Variants in TMEM132D observed in about 807,000 individuals in gnomAD.
The protein encoded by TMEM132D is mature OL transmembrane protein.
TMEM132D carries 21 observed loss-of-function variants against 62.3 expected under a neutral mutation model. The ratio of observed to expected loss-of-function variants is 0.34; its 90% CI spans 0.24 to 0.49. The LOEUF (loss-of-function observed/expected upper bound fraction) is 0.49, where lower values mean the gene tolerates loss of function less well. Ranked by LOEUF, TMEM132D falls within the 20% of genes least tolerant of loss-of-function variation. The probability of loss-of-function intolerance (pLI) is 0.99; values close to 1 mark genes in which losing one functional copy is unlikely to be tolerated. For synonymous variants in TMEM132D, 621 were observed against 575.6 expected, an observed-to-expected ratio of 1.08 and a Z score of -1.13; for missense variants, 1,346 against 1,402.8, an observed-to-expected ratio of 0.96 and a Z score of 0.65.
intron 1 of TMEM132D, among the ~76,000 whole-genome samples, chr12:129,841,954 G>A (rs1281011894): frequency 2.8e-5 from 4 of 145,000 alleles, no homozygotes; most frequent in Non-Finnish European, 6.0e-5. Flanking sequence ...TTTTTGAGAC[G>A]GAGTCTCGGT....
At chr12:129,420,323 T>TTTTTTTTTTTTTTTTTTTTA (rs1872274161) in intron 3 of TMEM132D, among the ~76,000 whole-genome samples, 2 of 94,080 alleles carry the variant, frequency 2.1e-5, no homozygotes, top group Non-Finnish European at 5.2e-5. Flanking sequence ...TTTTTTTTTT[T>TTTTTTTTTTTTTTTTTTTTA]TTTTTTTGCA....
chr12:129,817,184 T>G (rs1872370380), intron 1 of TMEM132D, among the ~76,000 whole-genome samples: 1 of 152,238 alleles, frequency 6.6e-6, no homozygotes, highest in Non-Finnish European at 1.5e-5. Context: ...CAATCCCCAC[T>G]GCACCTTAAT....
At chr12:129,463,203 T>C (rs1488142079) in intron 3 of TMEM132D, among the ~76,000 whole-genome samples, 1 of 152,204 alleles carries the variant, frequency 6.6e-6, no homozygotes, top group Non-Finnish European at 1.5e-5. Context: ...ACTTAGAAGA[T>C]GCAGGAACTG....
rs201253057 is a variant in TMEM132D at position 129,593,844 on chromosome 12, TA to T, written c.969-62640del. On this transcript the variant is annotated intron_variant, in intron 2 of 8. Coordinates refer to ENST00000422113, the MANE Select transcript of TMEM132D (RefSeq NM_133448.3). ...TACTCCTCTTGACATGTATTTTTTT[TA>T]AAATGTCAAATTCCTTAATACTTGC... 3.5e-4 allele frequency among the ~76,000 whole-genome samples: 54 copies of T among 152,198 alleles called. 1 individual carries two copies. The highest frequency in any genetic ancestry group is 5.8e-4 in the East Asian group (3 of 5,186).
chr12:129,863,908 G>A (rs1047688832), intron 1 of TMEM132D, among the ~76,000 whole-genome samples: 2 of 152,156 alleles, frequency 1.3e-5, no homozygotes, highest in African/African-American at 4.8e-5. Context: ...TAACAGCAAT[G>A]ATAAGTTTAG....
intron 2 of TMEM132D, among the ~76,000 whole-genome samples, chr12:129,659,429 A>T (rs1880179069): frequency 6.6e-6 from 1 of 152,214 alleles, no homozygotes. Flanking sequence ...AACAAAAAAC[A>T]GTCACTTTCT....
intron 8 of TMEM132D, among the ~76,000 whole-genome samples, chr12:129,077,705 GCA>G (rs1355377780): frequency 6.6e-5 from 10 of 151,212 alleles, no homozygotes; most frequent in Non-Finnish European, 1.5e-4. Flanking sequence ...ACACACATAT[GCA>G]CACATACAAA....
chr12:129,490,964 T>C (rs1225706821), intron 3 of TMEM132D, among the ~76,000 whole-genome samples: 1 of 152,182 alleles, frequency 6.6e-6, no homozygotes, highest in Non-Finnish European at 1.5e-5. Flanking sequence ...CTGTGACCCC[T>C]GCTGGTTCCC....
chr12:129,712,848 G>A (rs186474002), intron 1 of TMEM132D, among the ~76,000 whole-genome samples: 49 of 152,232 alleles, frequency 3.2e-4, no homozygotes, highest in Admixed American at 1.7e-3. Flanking sequence ...GCTGCAGCCA[G>A]AAGGAACGTC....
At chr12:129,540,402 T>A (rs1442701412) in intron 2 of TMEM132D, among the ~76,000 whole-genome samples, 1 of 152,052 alleles carries the variant, frequency 6.6e-6, no homozygotes, top group Non-Finnish European at 1.5e-5. Context: ...TCCGTGGCTA[T>A]AAAGGACTGA....
At chr12:129,709,338 A>G (rs940015203) in intron 1 of TMEM132D, among the ~76,000 whole-genome samples, 1 of 152,246 alleles carries the variant, frequency 6.6e-6, no homozygotes, top group Non-Finnish European at 1.5e-5. Context: ...AGTGCCAGCC[A>G]TAAAGCTGAA....
chr12:129,672,311 A>G (rs2137200608), intron 2 of TMEM132D, among the ~76,000 whole-genome samples: 1 of 151,986 alleles, frequency 6.6e-6, no homozygotes, highest in South Asian at 2.1e-4. Context: ...AACCCTGCGC[A>G]CTCTCATTTC....
rs557769998 is a variant in TMEM132D, at chr12:129,808,286, A to G, written c.79+94975T>C. On this transcript the variant is annotated intron_variant, in intron 1 of 8. Coordinates refer to ENST00000422113, the MANE Select transcript of TMEM132D (RefSeq NM_133448.3). ...CAGAAGTCAATATTATTAGATCGAGAATCTAGATGCAGAATAAAATTGGGG... is the reference window on the plus strand; with the variant it reads ...CAGAAGTCAATATTATTAGATCGAGGATCTAGATGCAGAATAAAATTGGGG... Among the ~76,000 whole-genome samples the G allele has an allele frequency of 3.3e-4, 50 of 152,314 alleles. 1 individual carries two copies. The South Asian group carries it at 0.01, about 31-fold the overall frequency.
intron 2 of TMEM132D, among the ~76,000 whole-genome samples, chr12:129,553,589 G>A (rs1876964199): frequency 6.6e-6 from 1 of 152,170 alleles, no homozygotes. Flanking sequence ...CCATTTCCAT[G>A]GTGTAAATGT....
chr12:129,782,008 GA>G (rs779344664), intron 1 of TMEM132D, among the ~76,000 whole-genome samples: 5 of 152,208 alleles, frequency 3.3e-5, no homozygotes, highest in African/African-American at 4.8e-5. Context: ...AAAGAGGATG[GA>G]GGAGCATTCA....
chr12:129,311,098 T>C (rs1430645490), intron 4 of TMEM132D, among the ~76,000 whole-genome samples: 3 of 126,444 alleles, frequency 2.4e-5, no homozygotes, highest in African/African-American at 3.3e-5. Context: ...CTCGGGAGGC[T>C]GAGGCAGGAG....
chr12:129,851,601 T>C lies in TMEM132D; in HGVS notation c.79+51660A>G, dbSNP rs183929615. 3.4e-4 allele frequency among the ~76,000 whole-genome samples: 52 copies of C among 152,348 alleles called. No homozygotes were observed. The Middle Eastern group carries it at 0.01, about 30-fold the overall frequency. On this transcript the variant is annotated intron_variant, in intron 1 of 8. Coordinates refer to ENST00000422113, the MANE Select transcript of TMEM132D (RefSeq NM_133448.3). ...AAAGTGTTAGCAGTAGTAAAATGAA[T>C]GACAGCACATTAACACTGTTTTATT...
At chr12:129,513,994 C>A (rs941494619) in intron 3 of TMEM132D, among the ~76,000 whole-genome samples, 1 of 150,778 alleles carries the variant, frequency 6.6e-6, no homozygotes, top group Admixed American at 6.6e-5. Flanking sequence ...CCCGCCACCA[C>A]GCCTGGCTAA....
rs78866212 is a variant in TMEM132D at position 129,358,540 on chromosome 12, C to T, written c.1116-20723G>A. ...ATCAGGGCTTCTTTATTCCAGCTCC[C>T]AGAGGACACTGCTGAAGACTGTCAC... On this transcript the variant is annotated intron_variant, in intron 3 of 8. Coordinates refer to ENST00000422113, the MANE Select transcript of TMEM132D (RefSeq NM_133448.3). 3.6e-3 allele frequency among the ~76,000 whole-genome samples: 555 copies of T among 152,232 alleles called. 2 individuals are homozygous for T. The highest frequency in any genetic ancestry group is 0.027 in the Middle Eastern group (8 of 294).
Sources: gnomAD v4.1 joint callset for allele counts (sites outside exome capture counted in the v4.1 genomes callset) on GRCh38, gnomAD v4.1.1 for gene constraint, MANE v1.5 for transcripts, NCBI Gene and HGNC (gene_info 2026-07-23, HGNC 2026-07-21) for gene names.